Variants in DIP2C observed in about 807,000 individuals in gnomAD.
DIP2C encodes DIP2 acetate--CoA ligase C (putative).
In DIP2C, 33 loss-of-function variants were observed where a neutral mutation model predicts 192.4. The ratio of observed to expected loss-of-function variants is 0.17; its 90% confidence interval spans 0.13 to 0.23. The LOEUF is 0.23. Ranked by LOEUF, DIP2C falls within the 10% of genes least tolerant of loss-of-function variation. DIP2C has a pLI of 1.00. For synonymous variants in DIP2C, 979 were observed against 864.1 expected, an observed-to-expected ratio of 1.13 and a Z score of -2.33; for missense variants, 1,537 against 2,110.1, an observed-to-expected ratio of 0.73 and a Z score of 5.32.
At chr10:497,629 C>A (rs991458429) in intron 1 of DIP2C, among the ~76,000 whole-genome samples, 1 of 152,210 alleles carries the variant, frequency 6.6e-6, no homozygotes, top group African/African-American at 2.4e-5. Context: ...CCACACACAG[C>A]AATGTCTTGG....
chr10:394,878 C>T (rs1963843536), intron 10 of DIP2C, among the ~76,000 whole-genome samples: 1 of 151,160 alleles, frequency 6.6e-6, no homozygotes, highest in Non-Finnish European at 1.5e-5. Flanking sequence ...GGGCGCTATT[C>T]AGCCTTCAGA....
intron 29 of DIP2C, among the ~76,000 whole-genome samples, chr10:335,335 A>AG (rs879355982): frequency 1.3e-5 from 2 of 152,188 alleles, no homozygotes; most frequent in South Asian, 2.1e-4. Flanking sequence ...CAGACACTTC[A>AG]GGGGGGATTT....
At chr10:299,735 T>A (rs1182985817) in intron 32 of DIP2C, among the ~76,000 whole-genome samples, 2 of 152,084 alleles carry the variant, frequency 1.3e-5, no homozygotes, top group African/African-American at 4.8e-5. Context: ...GATTTGCAAA[T>A]CACATATCTG....
intron 1 of DIP2C, among the ~76,000 whole-genome samples, chr10:579,221 T>C (rs1850402592): frequency 6.6e-6 from 1 of 151,982 alleles, no homozygotes; most frequent in Non-Finnish European, 1.5e-5. Flanking sequence ...CACATCCAGA[T>C]CCATTTAGTG....
chr10:595,473 C>T (rs1851647617), intron 1 of DIP2C, among the ~76,000 whole-genome samples: 1 of 152,148 alleles, frequency 6.6e-6, no homozygotes, highest in African/African-American at 2.4e-5. Flanking sequence ...GGCTTTGTCC[C>T]TGAAGCACTA....
At chr10:423,451 G>A (rs948497726) in intron 4 of DIP2C, among the ~76,000 whole-genome samples, 2 of 152,230 alleles carry the variant, frequency 1.3e-5, no homozygotes, top group African/African-American at 4.8e-5. Flanking sequence ...TTAGTCCTGA[G>A]ATGTTCTTGT....
intron 32 of DIP2C, among the ~76,000 whole-genome samples, chr10:292,575 C>T (rs768657079): frequency 7.2e-5 from 11 of 152,202 alleles, no homozygotes; most frequent in Admixed American, 3.9e-4. Flanking sequence ...CTAGAAGCGA[C>T]GTCTCGGAAG....
intron 1 of DIP2C, among the ~76,000 whole-genome samples, chr10:501,214 G>A (rs1845199486): frequency 6.6e-6 from 1 of 152,270 alleles, no homozygotes; most frequent in African/African-American, 2.4e-5. Flanking sequence ...GATTTTGATG[G>A]TTTCACTAGC....
chr10:325,051 G>C (rs1337753624), intron 31 of DIP2C: 6 of 476,116 alleles, frequency 1.3e-5, no homozygotes, highest in African/African-American at 9.9e-5. Flanking sequence ...GGATCATGAG[G>C]TCAGGAGATC....
chr10:548,203 G>A (rs535840021), intron 1 of DIP2C, among the ~76,000 whole-genome samples: 73 of 50,662 alleles, frequency 1.4e-3, no homozygotes, highest in African/African-American at 4.7e-3. Flanking sequence ...ACACGAGTCT[G>A]CCCCACCCCC....
chr10:600,895 A>C (rs1224706201), intron 1 of DIP2C, among the ~76,000 whole-genome samples: 1 of 120,318 alleles, frequency 8.3e-6, no homozygotes, highest in African/African-American at 4.4e-5. Context: ...TGGATAATTA[A>C]GTTGAACTTA....
chr10:577,697 C>G (rs970608882), intron 1 of DIP2C, among the ~76,000 whole-genome samples: 1 of 152,128 alleles, frequency 6.6e-6, no homozygotes, highest in Admixed American at 6.5e-5. Flanking sequence ...TTGCTTTTAA[C>G]AAGCTAAATA....
chr10:317,477 T>G (rs1356966685), intron 31 of DIP2C, among the ~76,000 whole-genome samples: 1 of 152,238 alleles, frequency 6.6e-6, no homozygotes, highest in Non-Finnish European at 1.5e-5. Context: ...GTTTAGGGGC[T>G]GCCAAGCCAC....
chr10:562,980 G>A (rs948413420), intron 1 of DIP2C, among the ~76,000 whole-genome samples: 6 of 152,356 alleles, frequency 3.9e-5, no homozygotes, highest in Admixed American at 1.3e-4. Flanking sequence ...AAAGTCTACT[G>A]CCTTGCAGAA....
At chr10:369,809 C>G (rs757759927) in intron 17 of DIP2C, 176 bp from the exon 18 acceptor site, 67 of 1,311,588 alleles carry the variant, frequency 5.1e-5, no homozygotes, top group Non-Finnish European at 6.8e-5. Flanking sequence ...TGTTTATGAA[C>G]AGCTGGCAGC....
chr10:494,135 A>G (rs1049334653), intron 1 of DIP2C, among the ~76,000 whole-genome samples: 2 of 152,220 alleles, frequency 1.3e-5, no homozygotes, highest in African/African-American at 4.8e-5. Context: ...AACACACACT[A>G]TGTGACCCCC....
At chr10:381,845 T>C (rs1962402514) in intron 17 of DIP2C, among the ~76,000 whole-genome samples, 1 of 152,196 alleles carries the variant, frequency 6.6e-6, no homozygotes, top group African/African-American at 2.4e-5. Flanking sequence ...GCCGTGGACA[T>C]GCTGCCCCAA....
intron 25 of DIP2C, 134 bp from the exon 26 acceptor site, chr10:348,896 A>G: frequency 2.2e-6 from 3 of 1,357,184 alleles, no homozygotes; most frequent in Non-Finnish European, 3.0e-6. Flanking sequence ...AGCCTCCGTC[A>G]TCCTGGCGGG....
intron 32 of DIP2C, among the ~76,000 whole-genome samples, chr10:292,906 G>A (rs920116893): frequency 6.6e-6 from 1 of 152,204 alleles, no homozygotes; most frequent in African/African-American, 2.4e-5. Flanking sequence ...CCTCTGCCTA[G>A]GACCACCACC....
Sources: gnomAD v4.1 joint callset for allele counts (sites outside exome capture counted in the v4.1 genomes callset) on GRCh38, gnomAD v4.1.1 for gene constraint, MANE v1.5 for transcripts, NCBI Gene and HGNC (gene_info 2026-07-23, HGNC 2026-07-21) for gene names.